The following ZC3H12D variants were observed in gnomAD, a reference collection of about 807,000 sequenced individuals.
ZC3H12D encodes zinc finger CCCH-type containing 12D.
ZC3H12D carries 11 observed loss-of-function variants against 24.2 expected under a neutral mutation model. That is an observed-to-expected ratio of 0.46 (90% CI 0.29 to 0.75). The LOEUF (loss-of-function observed/expected upper bound fraction) is 0.75. Among genes scored for constraint, ZC3H12D ranks in the 30% least tolerant of loss-of-function variants. ZC3H12D has a pLI of 0.11. For missense variants in ZC3H12D, 740 were observed against 767.7 expected (o/e 0.96, Z 0.43); for synonymous variants, 333 against 341.8 (o/e 0.97, Z 0.28).
Position 149,471,512 on chromosome 6 carries a change from T to C in ZC3H12D, c.305+2727A>G, listed in dbSNP as rs149074638. Among the ~76,000 whole-genome samples, 6 of 152,362 alleles carry C rather than the reference T, an allele frequency of 3.9e-5. No individual in the cohort carries two copies. The East Asian group carries it at 1.2e-3, about 29-fold the overall frequency. On this transcript the variant is annotated intron_variant, in intron 2 of 5. Coordinates refer to ENST00000409806, the MANE Select transcript of ZC3H12D (RefSeq NM_207360.3). ...CCACAAAGCATAGAATTATCTGTAA[T>C]GTCTCATTCTATGTCAGTGGGTTAT...
At chr6:149,474,805 T>G (rs1357397874) in intron 1 of ZC3H12D, among the ~76,000 whole-genome samples, 192 bp from the exon 2 acceptor site, 1 of 152,196 alleles carries the variant, frequency 6.6e-6, no homozygotes, top group East Asian at 1.9e-4. Context: ...CACAGTGAGC[T>G]CACTGAGGCC....
intron 5 of ZC3H12D, among the ~76,000 whole-genome samples, chr6:149,451,900 G>A (rs529782772): frequency 1.9e-4 from 29 of 152,350 alleles, no homozygotes; most frequent in African/African-American, 7.0e-4. Flanking sequence ...AGAGGACTGC[G>A]CCTGCAGTGC....
In ZC3H12D at chr6:149,480,892, C is replaced by T. The variant is rs983730420; in HGVS notation, c.-71+3921G>A. On this transcript the variant is annotated intron_variant, in intron 1 of 5. Transcript: ENST00000409806. ...CGAAGAAGGGCCGTGTCACACTCCA[C>T]GCCATCATCACAGTCGGGCCCAACA... Among the ~76,000 whole-genome samples the T allele has an allele frequency of 4.0e-5, 6 of 149,096 alleles. 1 individual carries two copies. The South Asian group carries it at 1.0e-3, about 25-fold the overall frequency.
At chr6:149,455,922 C>T (rs1775972933) in intron 4 of ZC3H12D, among the ~76,000 whole-genome samples, 1 of 148,992 alleles carries the variant, frequency 6.7e-6, no homozygotes, top group Admixed American at 6.7e-5. Flanking sequence ...AAATCTGTTG[C>T]CTACTCCCAT....
chr6:149,461,760 A>G, intron 3 of ZC3H12D, 71 bp downstream of exon 3: 1 of 1,442,336 alleles, frequency 6.9e-7, no homozygotes, highest in Non-Finnish European at 9.3e-7. Context: ...TAGATATTTG[A>G]CTATCGATGT....
intron 1 of ZC3H12D, among the ~76,000 whole-genome samples, chr6:149,475,076 T>C (rs1365933090): frequency 6.6e-6 from 1 of 151,958 alleles, no homozygotes; most frequent in Non-Finnish European, 1.5e-5. Flanking sequence ...GAAGAGGAAA[T>C]TTGAACACAT....
Position 149,451,349 on chromosome 6 carries a change from C to CCGTATCAT in ZC3H12D, c.917_918insATGATACG (p.Arg307Ter). 6.7e-7 allele frequency: 1 copy of CCGTATCAT among 1,481,702 alleles called. No homozygotes were observed. Among genetic ancestry groups the CCGTATCAT allele is most frequent in the Non-Finnish European group, 8.9e-7 (1 of 1,127,024 alleles). The allele number at this position is 1,481,702 out of a possible 1,614,324, so 91.8% of individuals were successfully genotyped here. ...AGCCGCCCGGGGCTCTCGGTGGCCG[C>CCGTATCAT]TGCTCCTCGGCGCCCGCGCCAGGCC... On this transcript the variant is annotated stop_gained and frameshift_variant, in exon 6 of 6. Coordinates refer to ENST00000409806, the MANE Select transcript of ZC3H12D (RefSeq NM_207360.3). LOFTEE classifies it low-confidence loss of function (END_TRUNC).
intron 2 of ZC3H12D, among the ~76,000 whole-genome samples, chr6:149,467,503 G>A (rs986363230): frequency 6.6e-6 from 1 of 152,134 alleles, no homozygotes; most frequent in Non-Finnish European, 1.5e-5. Flanking sequence ...ATCCTCCCAT[G>A]TTGGCCTCCC....
intron 3 of ZC3H12D, among the ~76,000 whole-genome samples, chr6:149,457,853 G>A (rs1450921054): frequency 1.3e-5 from 2 of 152,078 alleles, no homozygotes; most frequent in African/African-American, 4.8e-5. Flanking sequence ...ATATGACACT[G>A]TTGGCTGATT....
chr6:149,483,310 AT>A (rs1357258176), intron 1 of ZC3H12D: 1 of 151,810 alleles, frequency 6.6e-6, no homozygotes, highest in Non-Finnish European at 1.5e-5. Context: ...AATTTTTTTA[AT>A]TTTCTTTAAA....
intron 1 of ZC3H12D, among the ~76,000 whole-genome samples, chr6:149,484,060 C>T (rs968716617): frequency 1.3e-5 from 2 of 152,154 alleles, no homozygotes; most frequent in Non-Finnish European, 1.5e-5. Context: ...TTCTCTAAGG[C>T]GGACACACAA....
At chr6:149,461,625 T>C (rs1177321207) in intron 3 of ZC3H12D, 5 of 389,712 alleles carry the variant, frequency 1.3e-5, no homozygotes, top group Non-Finnish European at 2.2e-5. Flanking sequence ...GAACTACTTG[T>C]TGAATACCAG....
chr6:149,454,103 C>T (rs1176147470), intron 4 of ZC3H12D, among the ~76,000 whole-genome samples: 5 of 152,186 alleles, frequency 3.3e-5, no homozygotes, highest in South Asian at 2.1e-4. Context: ...TCCTCCTCTG[C>T]GCACCCTGGG....
intron 2 of ZC3H12D, among the ~76,000 whole-genome samples, chr6:149,468,169 C>T (rs578148645): frequency 3.3e-5 from 5 of 152,200 alleles, no homozygotes; most frequent in South Asian, 2.1e-4. Flanking sequence ...TTAGTAGAGA[C>T]GGGGTTTCTC....
At position 149,456,623 on chromosome 6, in the gene ZC3H12D, G is replaced by GGGGGGAGGA; in HGVS notation, c.680+42_680+43insTCCTCCCCC. The GGGGGGAGGA allele has an allele frequency of 1.3e-6, 1 of 744,586 alleles. No individual in the cohort carries two copies. Among genetic ancestry groups the GGGGGGAGGA allele is most frequent in the Non-Finnish European group, 2.2e-6 (1 of 456,106 alleles). The allele number at this position is 744,586 out of a possible 1,614,324, so 46.1% of individuals were successfully genotyped here. A position where few individuals can be genotyped will look rare whatever the true frequency, so the allele number is the denominator to read the frequency against. On this transcript the variant is annotated intron_variant, in intron 4 of 5. Coordinates refer to ENST00000409806, the MANE Select transcript of ZC3H12D (RefSeq NM_207360.3). This position sits in a 1 kb window ranked among gnomAD's most constrained non-coding sequence, Gnocchi z 4.3. ...GCCACTGCCTCGACCCCGGCCCCCC[G>GGGGGGAGGA]CCCCGCCGCCCCCCAGGGTGTCAGG...
chr6:149,484,642 ATT>A (rs1438305463), intron 1 of ZC3H12D, among the ~76,000 whole-genome samples, 169 bp downstream of exon 1: 1 of 152,176 alleles, frequency 6.6e-6, no homozygotes, highest in Non-Finnish European at 1.5e-5. Flanking sequence ...ACTTAAAATA[ATT>A]TAGAGTGTGA....
At chr6:149,479,618 C>T (rs1776392974) in intron 1 of ZC3H12D, among the ~76,000 whole-genome samples, 1 of 152,204 alleles carries the variant, frequency 6.6e-6, no homozygotes, top group Non-Finnish European at 1.5e-5. Flanking sequence ...TTTCTCAAGA[C>T]ACTGAATTAC....
rs1156994944 is a variant in ZC3H12D, at chr6:149,451,015, G to C, written c.1252C>G (p.Arg418Gly). 6.8e-7 allele frequency: 1 copy of C among 1,463,330 alleles called. No homozygotes were observed. The highest frequency in any genetic ancestry group is 9.0e-7 in the Non-Finnish European group (1 of 1,113,906). 90.6% of individuals were successfully genotyped at this position (1,463,330 alleles called of 1,614,324 possible). Reference protein sequence around the residue: ...GLQLQPRGEHRPRDLHGDLLS... With the variant: ...GLQLQPRGEHGPRDLHGDLLS... ...AAGTCGCCGTGCAGGTCCCTAGGGCGGTGTTCGCCCCGCGGCTGGAGCTGC... is the reference window on the plus strand; with the variant it reads ...AAGTCGCCGTGCAGGTCCCTAGGGCCGTGTTCGCCCCGCGGCTGGAGCTGC... Residue 418 changes from arginine (R) to glycine (G), a missense_variant, in exon 6 of 6, where the codon CGC becomes GGC. Coordinates refer to ENST00000409806, the MANE Select transcript of ZC3H12D (RefSeq NM_207360.3).
At chr6:149,451,517 C>T in intron 5 of ZC3H12D, 38 bp from the exon 6 acceptor site, 2 of 1,512,864 alleles carry the variant, frequency 1.3e-6, no homozygotes, top group Non-Finnish European at 1.8e-6. Context: ...CGACGTGAGG[C>T]CCGGGGGCGC....
Sources: allele counts gnomAD v4.1 joint callset (sites outside exome capture counted in the v4.1 genomes callset), GRCh38; gene constraint gnomAD v4.1.1; non-coding constraint Gnocchi (gnomAD v3.1); transcripts MANE v1.5; gene names NCBI Gene and HGNC (gene_info 2026-07-23, HGNC 2026-07-21).